Variants in ELFN1 observed in about 807,000 individuals in gnomAD.
The protein encoded by ELFN1 is extracellular leucine rich repeat and fibronectin type III domain containing 1.
Under a neutral mutation model 7.6 loss-of-function variants are expected in ELFN1, and 6 were observed. The ratio of observed to expected loss-of-function variants is 0.79; its 90% CI spans 0.43 to 1.56. The LOEUF (loss-of-function observed/expected upper bound fraction) is 1.56. Ranked by LOEUF, ELFN1 falls within the 40% of genes most tolerant of loss-of-function variation. The pLI, the probability that ELFN1 is intolerant of heterozygous loss-of-function variation, is 0.01. For synonymous variants in ELFN1, 657 were observed against 588.1 expected (o/e 1.12, Z -1.70); for missense variants, 1,169 against 1,232.2 (o/e 0.95, Z 0.77).
chr7:1,743,088 TG>T (rs58540651), intron 3 of ELFN1, among the ~76,000 whole-genome samples: 81,154 of 151,572 alleles, frequency 0.54, 21,901 homozygotes, highest in African/African-American at 0.62. Flanking sequence ...AGGGTAGTGG[TG>T]GGGGGGTCCA....
intron 3 of ELFN1, among the ~76,000 whole-genome samples, chr7:1,716,125 T>A (rs1375166458): frequency 6.6e-6 from 1 of 152,222 alleles, no homozygotes; most frequent in Non-Finnish European, 1.5e-5. Flanking sequence ...AGGAGCCCTC[T>A]CAGCTGTGCC....
chr7:1,729,076 A>T (rs1162934206), intron 3 of ELFN1, among the ~76,000 whole-genome samples: 1 of 152,260 alleles, frequency 6.6e-6, no homozygotes, highest in Non-Finnish European at 1.5e-5. Context: ...TGCCCCGCGG[A>T]GCTGCCACTG....
At chr7:1,698,290 A>C (rs1779359380) in intron 2 of ELFN1, among the ~76,000 whole-genome samples, 1 of 152,196 alleles carries the variant, frequency 6.6e-6, no homozygotes, top group Non-Finnish European at 1.5e-5. Context: ...TCATCAGGTT[A>C]ATGCCTTCGG....
chr7:1,666,149 C>CG (rs1405603544), upstream of ELFN1, among the ~76,000 whole-genome samples: 3 of 152,030 alleles, frequency 2.0e-5, no homozygotes, highest in Non-Finnish European at 4.4e-5. The surrounding 1 kb of genome is among the most constrained non-coding windows in gnomAD (Gnocchi z 7.9). Context: ...GCCTCCAGCC[C>CG]GGGGCCCGCA....
At chr7:1,682,952 T>A (rs990417431) in intron 1 of ELFN1, among the ~76,000 whole-genome samples, 2 of 152,194 alleles carry the variant, frequency 1.3e-5, no homozygotes, top group South Asian at 4.1e-4. Context: ...CTATATCTAT[T>A]AAGGGGATCA....
chr7:1,690,294 G>C (rs919484835), intron 2 of ELFN1, among the ~76,000 whole-genome samples: 1 of 151,766 alleles, frequency 6.6e-6, no homozygotes, highest in Non-Finnish European at 1.5e-5. Flanking sequence ...TAGGTGGATG[G>C]GTGGATGGGT....
chr7:1,701,125 CTG>C (rs1376019930), intron 2 of ELFN1, among the ~76,000 whole-genome samples: 1 of 150,848 alleles, frequency 6.6e-6, no homozygotes, highest in African/African-American at 2.4e-5. Flanking sequence ...GTATGTGAGC[CTG>C]TGTGTGCATG....
At chr7:1,696,468 T>C (rs1436363671) in intron 2 of ELFN1, among the ~76,000 whole-genome samples, 1 of 150,848 alleles carries the variant, frequency 6.6e-6, no homozygotes, top group African/African-American at 2.4e-5. Flanking sequence ...CACAGATCAC[T>C]GCAGCCTCCA....
chr7:1,688,387 T>C (rs1779097239), intron 2 of ELFN1, among the ~76,000 whole-genome samples: 2 of 152,190 alleles, frequency 1.3e-5, no homozygotes, highest in African/African-American at 4.8e-5. Context: ...TGTTAGCTTA[T>C]AAAGAAATCT....
intron 1 of ELFN1, among the ~76,000 whole-genome samples, chr7:1,672,738 G>A (rs1024492187): frequency 1.3e-5 from 2 of 149,864 alleles, no homozygotes; most frequent in Non-Finnish European, 3.0e-5. Flanking sequence ...CTTCCCCCCC[G>A]ACAAGCCAAT....
At chr7:1,737,376 C>G (rs886388658) in intron 3 of ELFN1, among the ~76,000 whole-genome samples, 1 of 152,080 alleles carries the variant, frequency 6.6e-6, no homozygotes, top group Non-Finnish European at 1.5e-5. Flanking sequence ...CCCTCCTGCT[C>G]CGGGTCTCGG....
chr7:1,707,983 G>T (rs986598466), intron 2 of ELFN1, among the ~76,000 whole-genome samples: 19 of 152,114 alleles, frequency 1.2e-4, no homozygotes, highest in African/African-American at 4.6e-4. Flanking sequence ...GCCTCCAGGG[G>T]CGCGGATGCG....
chr7:1,674,046 GTCAGGCGGCGAGGA>G (rs1778819242), intron 1 of ELFN1, among the ~76,000 whole-genome samples: 1 of 152,068 alleles, frequency 6.6e-6, no homozygotes, highest in African/African-American at 2.4e-5. Context: ...GGGAAACTGA[GTCAGGCGGCGAGGA>G]CCACTGCTCT....
In ELFN1 at chr7:1,731,675, G is replaced by A. The variant is rs1489264023; in HGVS notation, c.-293-12629G>A. On this transcript the variant is annotated intron_variant, in intron 3 of 3. Coordinates refer to ENST00000424383, the MANE Select transcript of ELFN1 (RefSeq NM_001128636.4). The stretch of plus-strand genomic sequence containing the variant: ...TATTTATTTATATATTTTTTGAGAC[G>A]GAGTCTCGCTCTGTCGCCCAGGCTG... Among the ~76,000 whole-genome samples, 8 of 152,092 alleles carry A rather than the reference G, an allele frequency of 5.3e-5. No homozygotes were observed. The East Asian group carries it at 7.7e-4, about 15-fold the overall frequency.
intron 2 of ELFN1, among the ~76,000 whole-genome samples, chr7:1,697,254 TCCCATCCA>T (rs1176011570): frequency 1.3e-5 from 2 of 151,976 alleles, no homozygotes; most frequent in Non-Finnish European, 2.9e-5. Flanking sequence ...ACGCCCATAT[TCCCATCCA>T]TGGACACGCA....
chr7:1,745,546 C>T lies in ELFN1; in HGVS notation c.950C>T (p.Pro317Leu). ...PTLATQAEAR[P>L]LIKVKQLTQN... The stretch of plus-strand genomic sequence containing the variant: ...CTGGCCACGCAGGCCGAGGCCCGCC[C>T]CCTCATCAAGGTCAAGCAGCTCACT... The change falls in exon 4 of 4, where the codon CCC (proline) becomes CTC (leucine). Residue 317 changes from proline (P) to leucine (L), a missense_variant. Physicochemically the swap from Pro to Leu is moderately conservative, Grantham distance 98 (BLOSUM62 -3). Around this residue, in one of 2 missense-constraint regions of ELFN1, gnomAD observed 914 missense variants for 872.6 expected, o/e 1.05. Coordinates refer to ENST00000424383, the MANE Select transcript of ELFN1 (RefSeq NM_001128636.4). 2 of 1,549,222 alleles carry T rather than the reference C, an allele frequency of 1.3e-6. No individual in the cohort carries two copies. Among genetic ancestry groups the T allele is most frequent in the Non-Finnish European group, 1.7e-6 (2 of 1,146,918 alleles).
intron 3 of ELFN1, among the ~76,000 whole-genome samples, chr7:1,730,496 G>A (rs896524033): frequency 6.6e-5 from 10 of 152,334 alleles, no homozygotes; most frequent in African/African-American, 1.4e-4. Flanking sequence ...CCATGATTAT[G>A]TAGAAGTTAT....
intron 3 of ELFN1, among the ~76,000 whole-genome samples, chr7:1,711,626 GAAT>G (rs1779660973): frequency 1.9e-5 from 2 of 104,528 alleles, no homozygotes; most frequent in African/African-American, 3.8e-5. Flanking sequence ...GAGAGAGAGA[GAAT>G]GAGACAAGGG....
Position 1,740,460 on chromosome 7 carries a change from G to T in ELFN1, c.-293-3844G>T, listed in dbSNP as rs571771370. 1.3e-5 allele frequency among the ~76,000 whole-genome samples: 2 copies of T among 152,242 alleles called. No homozygotes were observed. Among genetic ancestry groups the T allele is most frequent in the African/African-American group, 2.4e-5 (1 of 41,470 alleles). Reference sequence around the variant, plus strand: ...TTCTAGAAATGTTGTTTAATGATCGGATCGCTGGACGTGGGGTGCAGCGGC... The same window carrying T: ...TTCTAGAAATGTTGTTTAATGATCGTATCGCTGGACGTGGGGTGCAGCGGC... On this transcript the variant is annotated intron_variant, in intron 3 of 3. Transcript: ENST00000424383. The surrounding 1 kb of genome is among the most constrained non-coding windows in gnomAD (Gnocchi z 5.0).
Sources: allele counts gnomAD v4.1 joint callset (sites outside exome capture counted in the v4.1 genomes callset), GRCh38; gene constraint gnomAD v4.1.1; regional missense constraint gnomAD v4.1.1; non-coding constraint Gnocchi (gnomAD v3.1); transcripts MANE v1.5; gene names NCBI Gene and HGNC (gene_info 2026-07-23, HGNC 2026-07-21).